The following PTPRD variants were observed in gnomAD, a reference collection of about 807,000 sequenced individuals.
PTPRD encodes the protein receptor-type tyrosine-protein phosphatase delta.
PTPRD carries 34 observed loss-of-function variants against 214.5 expected under a neutral mutation model. That is an observed-to-expected ratio of 0.16 (90% CI 0.12 to 0.21). The LOEUF (loss-of-function observed/expected upper bound fraction) is 0.21, where lower values mean the gene tolerates loss of function less well. Among genes scored for constraint, PTPRD ranks in the 10% least tolerant of loss-of-function variants. The pLI is 1.00. For synonymous variants in PTPRD, 1,128 were observed against 845.7 expected, an observed-to-expected ratio of 1.33 and a Z score of -5.79; for missense variants, 2,545 against 2,398.7, an observed-to-expected ratio of 1.06 and a Z score of -1.27.
At chr9:8,516,798 CT>C (rs71500960) in intron 21 of PTPRD, among the ~76,000 whole-genome samples, 3,177 of 106,988 alleles carry the variant, frequency 0.03, 34 homozygotes, top group African/African-American at 0.1. Context: ...CAAGAATAAA[CT>C]TTTTTTTTTT....
intron 9 of PTPRD, among the ~76,000 whole-genome samples, chr9:9,343,996 TTAA>T (rs2047837380): frequency 6.6e-6 from 1 of 152,152 alleles, no homozygotes; most frequent in African/African-American, 2.4e-5. Flanking sequence ...CTTGCACACA[TTAA>T]TAATATGTAT....
At chr9:10,239,407 C>A (rs1053373245) in intron 3 of PTPRD, among the ~76,000 whole-genome samples, 1 of 151,854 alleles carries the variant, frequency 6.6e-6, no homozygotes, top group Non-Finnish European at 1.5e-5. Context: ...TAAGATTTCC[C>A]AAGCAAGCAT....
At chr9:10,131,079 T>A (rs1311940481) in intron 3 of PTPRD, among the ~76,000 whole-genome samples, 1 of 152,130 alleles carries the variant, frequency 6.6e-6, no homozygotes, top group Non-Finnish European at 1.5e-5. Context: ...ATTGCATTTG[T>A]TGGAGGCTGG....
intron 5 of PTPRD, among the ~76,000 whole-genome samples, chr9:9,797,203 T>C (rs1184791238): frequency 6.8e-6 from 1 of 146,518 alleles, no homozygotes; most frequent in Non-Finnish European, 1.5e-5. Flanking sequence ...TCTAGATTTA[T>C]ACCAAAATAG....
At chr9:8,702,298 T>C (rs1377232286) in intron 12 of PTPRD, among the ~76,000 whole-genome samples, 1 of 152,162 alleles carries the variant, frequency 6.6e-6, no homozygotes, top group Non-Finnish European at 1.5e-5. Context: ...TTTCTGGGCT[T>C]TTACTTGAAA....
intron 2 of PTPRD, among the ~76,000 whole-genome samples, chr9:10,542,697 T>C (rs1431108459): frequency 1.1e-4 from 17 of 152,054 alleles, no homozygotes; most frequent in Admixed American, 1.1e-3. Flanking sequence ...ACTATAGATT[T>C]TCTTCCTTTT....
intron 10 of PTPRD, among the ~76,000 whole-genome samples, chr9:9,075,898 T>C (rs1384071990): frequency 6.6e-6 from 1 of 152,200 alleles, no homozygotes; most frequent in Non-Finnish European, 1.5e-5. Flanking sequence ...TATAGCAGCA[T>C]GATTTATAAT....
At chr9:9,596,841 T>C (rs2093389660) in intron 7 of PTPRD, among the ~76,000 whole-genome samples, 2 of 152,060 alleles carry the variant, frequency 1.3e-5, no homozygotes, top group African/African-American at 4.8e-5. Context: ...TTAAAATAAC[T>C]TTTAGAATTA....
chr9:8,563,382 A>G (rs2087287193), intron 14 of PTPRD, among the ~76,000 whole-genome samples: 1 of 151,876 alleles, frequency 6.6e-6, no homozygotes, highest in Non-Finnish European at 1.5e-5. Flanking sequence ...CTATACATAT[A>G]TACACACATA....
chr9:10,298,347 C>T (rs750548399), intron 3 of PTPRD, among the ~76,000 whole-genome samples: 2 of 151,710 alleles, frequency 1.3e-5, no homozygotes, highest in African/African-American at 2.4e-5. Context: ...AACAAAGGAA[C>T]CTATTTGCCA....
chr9:8,806,759 A>G (rs2096691033), intron 11 of PTPRD, among the ~76,000 whole-genome samples: 1 of 152,172 alleles, frequency 6.6e-6, no homozygotes, highest in Non-Finnish European at 1.5e-5. Context: ...TTTTAATAGA[A>G]GATACTTAGA....
intron 5 of PTPRD, among the ~76,000 whole-genome samples, chr9:9,923,359 G>C (rs896839464): frequency 2.7e-5 from 4 of 149,952 alleles, no homozygotes; most frequent in Non-Finnish European, 4.4e-5. Context: ...AACGACAAAA[G>C]ACAGGAAGAG....
At chr9:9,532,189 G>A (rs1590908205) in intron 8 of PTPRD, among the ~76,000 whole-genome samples, 1 of 152,120 alleles carries the variant, frequency 6.6e-6, no homozygotes, top group Non-Finnish European at 1.5e-5. Flanking sequence ...TCAGAGTGAG[G>A]ATGGGTAAAG....
At chr9:8,802,058 C>A (rs74881173) in intron 11 of PTPRD, among the ~76,000 whole-genome samples, 1 of 152,062 alleles carries the variant, frequency 6.6e-6, no homozygotes. Flanking sequence ...TATATCACCA[C>A]ATAACTGGAG....
At chr9:8,324,041 G>C (rs972624570) in intron 44 of PTPRD, among the ~76,000 whole-genome samples, 1 of 151,628 alleles carries the variant, frequency 6.6e-6, no homozygotes, top group Non-Finnish European at 1.5e-5. Context: ...TCAAAATAGA[G>C]GCAAGACCCT....
chr9:9,890,177 T>G (rs950309495), intron 5 of PTPRD, among the ~76,000 whole-genome samples: 11 of 152,064 alleles, frequency 7.2e-5, no homozygotes, highest in African/African-American at 2.7e-4. Flanking sequence ...ACTAGTAAAT[T>G]AAGGTTACTA....
chr9:8,412,354 A>T (rs2093599119), intron 35 of PTPRD, among the ~76,000 whole-genome samples: 1 of 152,230 alleles, frequency 6.6e-6, no homozygotes, highest in South Asian at 2.1e-4. Flanking sequence ...TAGCAAATAC[A>T]ATCAATGTGC....
At chr9:8,811,034 C>T (rs1053271188) in intron 11 of PTPRD, among the ~76,000 whole-genome samples, 3 of 152,186 alleles carry the variant, frequency 2.0e-5, no homozygotes, top group Non-Finnish European at 2.9e-5. Flanking sequence ...TGTGCCCAGG[C>T]AGGGTGCGGT....
intron 23 of PTPRD, 50 bp from the exon 24 acceptor site, chr9:8,501,109 G>T: frequency 2.2e-6 from 3 of 1,369,544 alleles, no homozygotes; most frequent in South Asian, 2.9e-5. Flanking sequence ...GGACAGGAGT[G>T]GTTGAAAAAA....
Sources: allele counts gnomAD v4.1 joint callset (sites outside exome capture counted in the v4.1 genomes callset), GRCh38; gene constraint gnomAD v4.1.1; transcripts MANE v1.5; gene names NCBI Gene and HGNC (gene_info 2026-07-23, HGNC 2026-07-21).